The following ZFHX3 variants were observed in gnomAD, a reference collection of about 807,000 sequenced individuals.
ZFHX3 encodes zinc finger homeobox 3.
A neutral mutation model predicts 279.1 loss-of-function variants in ZFHX3; 42 were observed. The ratio of observed to expected loss-of-function variants is 0.15; its 90% CI spans 0.12 to 0.19. The LOEUF is 0.19. Among genes scored for constraint, ZFHX3 ranks in the 10% least tolerant of loss-of-function variants. The pLI is 1.00. For synonymous variants in ZFHX3, 2,293 were observed against 1,957.8 expected (o/e 1.17, Z -4.52); for missense variants, 4,981 against 4,754.0 (o/e 1.05, Z -1.40).
intron 2 of ZFHX3, among the ~76,000 whole-genome samples, chr16:73,491,959 T>G (rs2019063147): frequency 6.6e-6 from 1 of 152,218 alleles, no homozygotes; most frequent in African/African-American, 2.4e-5. Context: ...CTCCCCATCT[T>G]GCCCATTGAG....
intron 8 of ZFHX3, among the ~76,000 whole-genome samples, chr16:73,081,959 C>A (rs943856405): frequency 1.3e-5 from 2 of 151,668 alleles, no homozygotes; most frequent in African/African-American, 4.8e-5. Context: ...GCCTCAGCCT[C>A]CTGGGTAGCT....
intron 2 of ZFHX3, among the ~76,000 whole-genome samples, chr16:73,603,241 C>T (rs12934231): frequency 0.077 from 11,507 of 148,658 alleles, 621 homozygotes; most frequent in Middle Eastern, 0.13. Context: ...GCCAAGATTG[C>T]GACACTGCAC....
At chr16:73,042,035 C>T (rs1965137355) in intron 1 of ZFHX3, among the ~76,000 whole-genome samples, 1 of 152,198 alleles carries the variant, frequency 6.6e-6, no homozygotes, top group Non-Finnish European at 1.5e-5. Context: ...CAGAAATAGG[C>T]CACTCAGGAG....
chr16:73,161,300 A>G (rs975410002), intron 5 of ZFHX3, among the ~76,000 whole-genome samples: 1 of 152,106 alleles, frequency 6.6e-6, no homozygotes. Flanking sequence ...TTAGACCTGA[A>G]TGACCCCTCT....
intron 3 of ZFHX3, among the ~76,000 whole-genome samples, chr16:72,910,852 C>A (rs769409583): frequency 1.1e-4 from 16 of 152,140 alleles, no homozygotes; most frequent in African/African-American, 1.4e-4. Flanking sequence ...CTCATGTCAG[C>A]AATTACCTAG....
intron 6 of ZFHX3, among the ~76,000 whole-genome samples, chr16:73,135,861 C>CTTTTT (rs71391493): frequency 2.2e-4 from 32 of 143,678 alleles, no homozygotes; most frequent in African/African-American, 7.7e-4. Flanking sequence ...TATTTATATT[C>CTTTTT]TTTTTTTTTT....
intron 3 of ZFHX3, among the ~76,000 whole-genome samples, chr16:72,948,222 G>T (rs1298319978): frequency 3.9e-5 from 6 of 152,188 alleles, no homozygotes; most frequent in African/African-American, 9.7e-5. Context: ...CCTGACGGAG[G>T]CAATTCTGCC....
intron 5 of ZFHX3, chr16:73,143,850 G>T: frequency 8.3e-7 from 1 of 1,207,304 alleles, no homozygotes. Context: ...GAAAAGAAAG[G>T]ACAAAAACAC....
chr16:73,067,289 A>T (rs901161891), intron 8 of ZFHX3, among the ~76,000 whole-genome samples: 1 of 152,210 alleles, frequency 6.6e-6, no homozygotes, highest in African/African-American at 2.4e-5. Context: ...ACGACACTTA[A>T]GCCCCGACAG....
chr16:73,871,593 C>G (rs1037840962), intron 1 of ZFHX3, among the ~76,000 whole-genome samples: 3 of 152,058 alleles, frequency 2.0e-5, no homozygotes, highest in Admixed American at 6.5e-5. Context: ...AAGCAGTCAT[C>G]TCCCATAATT....
At chr16:73,516,341 G>T (rs937762067) in intron 2 of ZFHX3, among the ~76,000 whole-genome samples, 1 of 152,260 alleles carries the variant, frequency 6.6e-6, no homozygotes, top group African/African-American at 2.4e-5. Flanking sequence ...GAGTGTGTGT[G>T]TGCATGCATA....
intron 2 of ZFHX3, 44 bp from the exon 3 acceptor site, chr16:72,951,009 G>A: frequency 6.3e-7 from 1 of 1,583,496 alleles, no homozygotes; most frequent in Non-Finnish European, 8.6e-7. Flanking sequence ...CCAGGCTCAT[G>A]GTCACGGCCA....
chr16:73,634,717 A>C (rs147792367), intron 2 of ZFHX3, among the ~76,000 whole-genome samples: 17 of 152,166 alleles, frequency 1.1e-4, no homozygotes, highest in Non-Finnish European at 1.8e-4. Flanking sequence ...GGATATTAAT[A>C]AATAGTTTTT....
At chr16:73,112,697 C>A (rs960233259) in intron 7 of ZFHX3, among the ~76,000 whole-genome samples, 1 of 110,782 alleles carries the variant, frequency 9.0e-6, no homozygotes, top group East Asian at 2.9e-4. Context: ...GCCTGGGCGA[C>A]GGCGTGAGAC....
intron 3 of ZFHX3, among the ~76,000 whole-genome samples, chr16:72,891,654 G>T (rs1050235899): frequency 3.3e-5 from 5 of 152,158 alleles, no homozygotes; most frequent in African/African-American, 1.2e-4. Context: ...GGGAGAGAGA[G>T]ATGTAGAAGC....
At chr16:73,335,669 C>T (rs1370961007) in intron 3 of ZFHX3, among the ~76,000 whole-genome samples, 5 of 152,078 alleles carry the variant, frequency 3.3e-5, no homozygotes, top group African/African-American at 1.2e-4. Flanking sequence ...TCCCCAAGGT[C>T]CTGCCATTTG....
intron 4 of ZFHX3, among the ~76,000 whole-genome samples, chr16:72,841,846 A>C (rs754161028): frequency 1.6e-4 from 25 of 152,372 alleles, no homozygotes; most frequent in Non-Finnish European, 2.8e-4. Flanking sequence ...ATAGTCATCA[A>C]GACAAACACT....
At chr16:73,058,335 G>T (rs1236310641) in intron 1 of ZFHX3, among the ~76,000 whole-genome samples, 1 of 148,524 alleles carries the variant, frequency 6.7e-6, no homozygotes, top group East Asian at 2.0e-4. Context: ...CGCAGCGAGC[G>T]AGCAGGGCGC....
chr16:73,404,763 T>C (rs2017326391), intron 3 of ZFHX3, among the ~76,000 whole-genome samples: 1 of 152,156 alleles, frequency 6.6e-6, no homozygotes, highest in Non-Finnish European at 1.5e-5. Context: ...ACCACCTGAG[T>C]CCACAGCCAT....
Sources: gnomAD v4.1 joint callset for allele counts (sites outside exome capture counted in the v4.1 genomes callset) on GRCh38, gnomAD v4.1.1 for gene constraint, MANE v1.5 for transcripts, NCBI Gene and HGNC (gene_info 2026-07-23, HGNC 2026-07-21) for gene names.